The following ABCC4 variants were observed in gnomAD, a reference collection of about 807,000 sequenced individuals.
ABCC4 encodes the protein ATP-binding cassette sub-family C member 4.
In ABCC4, 102 loss-of-function variants were observed where a neutral mutation model predicts 168.5. The ratio of observed to expected loss-of-function variants is 0.61; its 90% CI spans 0.52 to 0.71. ABCC4 has a LOEUF of 0.71. ABCC4 is among the 30% of genes least tolerant of loss of function. The pLI is 0.00. For synonymous variants in ABCC4, 617 were observed against 590.7 expected (o/e 1.04, Z -0.65); for missense variants, 1,402 against 1,605.8 (o/e 0.87, Z 2.17).
intron 20 of ABCC4, among the ~76,000 whole-genome samples, chr13:95,108,185 CAG>C (rs1491399905): frequency 2.0e-5 from 3 of 152,036 alleles, no homozygotes; most frequent in Admixed American, 6.6e-5. Flanking sequence ...TCTAAAGACA[CAG>C]GGGGTAAGAA....
intron 4 of ABCC4, among the ~76,000 whole-genome samples, chr13:95,217,144 C>G (rs2039137867): frequency 1.3e-5 from 2 of 152,176 alleles, no homozygotes; most frequent in African/African-American, 4.8e-5. Flanking sequence ...TTTGAGATTA[C>G]AAGAAAACTG....
At chr13:95,256,568 C>A (rs1213120168) in intron 1 of ABCC4, among the ~76,000 whole-genome samples, 1 of 152,152 alleles carries the variant, frequency 6.6e-6, no homozygotes, top group Non-Finnish European at 1.5e-5. Context: ...CCAGCCTGGA[C>A]AACATGGCAA....
intron 1 of ABCC4, among the ~76,000 whole-genome samples, chr13:95,261,269 C>T (rs1172895299): frequency 1.3e-5 from 2 of 151,754 alleles, no homozygotes; most frequent in South Asian, 2.1e-4. Flanking sequence ...ACCAAAATAG[C>T]GAAACCCCGT....
At chr13:95,038,531 C>T (rs1447477492) in intron 29 of ABCC4, among the ~76,000 whole-genome samples, 1 of 151,956 alleles carries the variant, frequency 6.6e-6, no homozygotes, top group Non-Finnish European at 1.5e-5. Flanking sequence ...CAAACTGGGC[C>T]TTGAGGAATG....
At chr13:95,277,406 C>A (rs1378919853) in intron 1 of ABCC4, among the ~76,000 whole-genome samples, 1 of 152,026 alleles carries the variant, frequency 6.6e-6, no homozygotes, top group Non-Finnish European at 1.5e-5. Flanking sequence ...CATGGTGAAA[C>A]CTTGTCTCTA....
intron 4 of ABCC4, among the ~76,000 whole-genome samples, chr13:95,222,374 T>C (rs1225173701): frequency 1.3e-5 from 2 of 152,228 alleles, no homozygotes; most frequent in Non-Finnish European, 2.9e-5. Flanking sequence ...AGGACACCAC[T>C]TTCCGACTGT....
intron 19 of ABCC4, among the ~76,000 whole-genome samples, chr13:95,118,014 T>G (rs548382573): frequency 6.6e-6 from 1 of 152,294 alleles, no homozygotes; most frequent in African/African-American, 2.4e-5. Context: ...TCTTAAAATC[T>G]GAAAGACCCA....
intron 27 of ABCC4, among the ~76,000 whole-genome samples, chr13:95,044,845 G>A (rs1005050700): frequency 6.6e-6 from 1 of 152,274 alleles, no homozygotes; most frequent in Admixed American, 6.5e-5. Context: ...AATTTAGAGA[G>A]ACAATAAGAG....
chr13:95,149,432 G>T (rs1203830809), intron 19 of ABCC4, among the ~76,000 whole-genome samples: 1 of 152,062 alleles, frequency 6.6e-6, no homozygotes, highest in East Asian at 1.9e-4. Flanking sequence ...TGGGATAATT[G>T]TAAGATGTCA....
intron 22 of ABCC4, 32 bp downstream of exon 22, chr13:95,075,400 T>C (rs2139315793): frequency 6.2e-7 from 1 of 1,613,644 alleles, no homozygotes; most frequent in Non-Finnish European, 8.5e-7. Flanking sequence ...GCAGATCCTG[T>C]CCTTTGAAAC....
intron 19 of ABCC4, among the ~76,000 whole-genome samples, chr13:95,126,806 TTAAGTACA>T (rs2035793411): frequency 7.1e-6 from 1 of 141,828 alleles, no homozygotes; most frequent in African/African-American, 2.6e-5. Flanking sequence ...TTATATATAT[TTAAGTACA>T]CCATATATAT....
chr13:95,265,066 G>A (rs899561370), intron 1 of ABCC4, among the ~76,000 whole-genome samples: 1 of 151,862 alleles, frequency 6.6e-6, no homozygotes, highest in Non-Finnish European at 1.5e-5. Context: ...ATGGGGTTTT[G>A]CCATGTTGGC....
At chr13:95,161,054 T>C in intron 19 of ABCC4, 135 bp downstream of exon 19, 1 of 448,946 alleles carries the variant, frequency 2.2e-6, no homozygotes. Flanking sequence ...GTGAAGTTTC[T>C]TGTGGAAAAT....
chr13:95,112,920 G>A (rs960194601), intron 20 of ABCC4, among the ~76,000 whole-genome samples: 14 of 152,148 alleles, frequency 9.2e-5, no homozygotes, highest in Non-Finnish European at 1.3e-4. Context: ...GTTTTGCTAA[G>A]GATGTTAAAC....
At chr13:95,055,521 T>A (rs1043057528) in intron 26 of ABCC4, 3 of 152,162 alleles carry the variant, frequency 2.0e-5, no homozygotes, top group South Asian at 2.1e-4. Flanking sequence ...TCATACTTTT[T>A]AAAAATCTTT....
At chr13:95,173,606 G>C (rs1034755379) in intron 13 of ABCC4, among the ~76,000 whole-genome samples, 3 of 152,202 alleles carry the variant, frequency 2.0e-5, no homozygotes, top group Non-Finnish European at 4.4e-5. Context: ...CATGGCAAGG[G>C]TTGGAAAGGT....
At chr13:95,163,036 T>G in intron 18 of ABCC4, 86 bp downstream of exon 18, 1 of 851,888 alleles carries the variant, frequency 1.2e-6, no homozygotes, top group Non-Finnish European at 2.0e-6. Flanking sequence ...CATTACTGAA[T>G]GACTCCTGGA....
At chr13:95,206,118 C>T (rs117053354) in intron 8 of ABCC4, among the ~76,000 whole-genome samples, 1,828 of 152,286 alleles carry the variant, frequency 0.012, 20 homozygotes, top group Non-Finnish European at 0.019. Context: ...TTCTTCCTGA[C>T]CAAGAAGCAG....
chr13:95,075,324 G>A (rs936357845), intron 22 of ABCC4, 108 bp downstream of exon 22: 1 of 1,449,504 alleles, frequency 6.9e-7, no homozygotes, highest in Non-Finnish European at 9.4e-7. Context: ...AGCAGGATGT[G>A]GGGCTGGGCC....
Sources: allele counts gnomAD v4.1 joint callset (sites outside exome capture counted in the v4.1 genomes callset), GRCh38; gene constraint gnomAD v4.1.1; transcripts MANE v1.5; gene names NCBI Gene and HGNC (gene_info 2026-07-23, HGNC 2026-07-21).